ARHGEF12: variants seen among roughly 807,000 people sequenced by gnomAD.
ARHGEF12 encodes Rho guanine nucleotide exchange factor 12, also known as KMT2A/ARHGEF12 fusion protein.
In ARHGEF12, 66 loss-of-function variants were observed where a neutral mutation model predicts 211.2. The observed-to-expected ratio is 0.31, with a 90% confidence interval of 0.26 to 0.38. The LOEUF (loss-of-function observed/expected upper bound fraction) is 0.38. Among genes scored for constraint, ARHGEF12 ranks in the 10% least tolerant of loss-of-function variants. The pLI, the probability that ARHGEF12 is intolerant of heterozygous loss-of-function variation, is 1.00. For missense variants in ARHGEF12, 1,429 were observed against 1,869.5 expected, an observed-to-expected ratio of 0.76 and a Z score of 4.34; for synonymous variants, 592 against 638.4, an observed-to-expected ratio of 0.93 and a Z score of 1.09.
chr11:120,426,049 C>T (rs1945336536), intron 7 of ARHGEF12, among the ~76,000 whole-genome samples: 1 of 152,128 alleles, frequency 6.6e-6, no homozygotes, highest in Non-Finnish European at 1.5e-5. Flanking sequence ...ACTTTTTCAT[C>T]AGAGTACCAG....
chr11:120,341,944 G>A (rs1942549606), intron 1 of ARHGEF12, among the ~76,000 whole-genome samples: 1 of 152,134 alleles, frequency 6.6e-6, no homozygotes, highest in Non-Finnish European at 1.5e-5. Flanking sequence ...TCCTGTGGTA[G>A]TATAATTCTT....
At chr11:120,421,700 G>A in intron 5 of ARHGEF12, 103 bp from the exon 6 acceptor site, 1 of 1,076,804 alleles carries the variant, frequency 9.3e-7, no homozygotes. Context: ...CCTCCCAAAG[G>A]ACAGCCCATG....
intron 11 of ARHGEF12, among the ~76,000 whole-genome samples, chr11:120,432,322 T>G (rs577252278): frequency 7.7e-4 from 118 of 152,346 alleles, no homozygotes; most frequent in Non-Finnish European, 1.5e-3. Context: ...AGGAAAAACC[T>G]CAGTCCTGTT....
At chr11:120,375,177 A>G (rs976501596) in intron 1 of ARHGEF12, among the ~76,000 whole-genome samples, 10 of 152,180 alleles carry the variant, frequency 6.6e-5, no homozygotes, top group African/African-American at 2.4e-4. Context: ...GTTTTAGGCA[A>G]AGTGAGTCTT....
At chr11:120,466,928 C>T (rs1446479309) in intron 28 of ARHGEF12, among the ~76,000 whole-genome samples, 11 of 152,128 alleles carry the variant, frequency 7.2e-5, no homozygotes, top group East Asian at 1.9e-4. Flanking sequence ...CACAAGGAAG[C>T]GATACGTAGA....
intron 11 of ARHGEF12, 118 bp from the exon 12 acceptor site, chr11:120,437,190 T>C (rs900451361): frequency 8.1e-6 from 5 of 614,978 alleles, no homozygotes; most frequent in Non-Finnish European, 1.1e-5. Context: ...ACGAAAGATA[T>C]TTAGTAGTTG....
At chr11:120,343,148 A>G (rs1253454378) in intron 1 of ARHGEF12, among the ~76,000 whole-genome samples, 1 of 152,218 alleles carries the variant, frequency 6.6e-6, no homozygotes, top group Admixed American at 6.5e-5. Flanking sequence ...TAATGACAAG[A>G]CAGTGTAACA....
In ARHGEF12 at chr11:120,458,496, G is replaced by A. The variant is rs1946429190; in HGVS notation, c.2380+262G>A. ...GCATTATAGATCTTAAAGTTGAAAA[G>A]TCATTGCAACAACTAAGTTATTTTT... On this transcript the variant is annotated intron_variant, in intron 25 of 40. Coordinates refer to ENST00000397843, the MANE Select transcript of ARHGEF12 (RefSeq NM_015313.3). 3 of 346,168 alleles carry A rather than the reference G, an allele frequency of 8.7e-6. No homozygotes were observed. In the Admixed American group the frequency reaches 1.4e-4, roughly 16 times the overall value. The allele number at this position is 346,168 out of a possible 1,614,324, so 21.4% of individuals were successfully genotyped here. A position where few individuals can be genotyped will look rare whatever the true frequency, so the allele number is the denominator to read the frequency against.
At chr11:120,373,617 T>C (rs943726628) in intron 1 of ARHGEF12, among the ~76,000 whole-genome samples, 2 of 152,190 alleles carry the variant, frequency 1.3e-5, no homozygotes, top group Non-Finnish European at 2.9e-5. Context: ...TATATAATTG[T>C]ATAATGATTT....
In ARHGEF12 at chr11:120,437,303, A is replaced by T; in HGVS notation, c.925-5A>T. The T allele has an allele frequency of 6.2e-7, 1 of 1,602,254 alleles. No individual in the cohort carries two copies. Among genetic ancestry groups the T allele is most frequent in the Non-Finnish European group, 8.5e-7 (1 of 1,175,408 alleles). ...ATGAACTGAAGATCTTGTTTTTTTC[A>T]TTAGAGTCCCAAGAGTGGCCCAAAA... On this transcript the variant is annotated splice_region_variant and splice_polypyrimidine_tract_variant and intron_variant, in intron 11 of 40. Coordinates refer to ENST00000397843, the MANE Select transcript of ARHGEF12 (RefSeq NM_015313.3).
intron 1 of ARHGEF12, among the ~76,000 whole-genome samples, chr11:120,351,453 AT>A (rs1942964855): frequency 2.8e-4 from 1 of 3,636 alleles, no homozygotes; most frequent in Non-Finnish European, 4.5e-4. Context: ...ATATATATAT[AT>A]ATTTTTTTTT....
chr11:120,361,571 C>T (rs1943275622), intron 1 of ARHGEF12, among the ~76,000 whole-genome samples: 1 of 152,164 alleles, frequency 6.6e-6, no homozygotes, highest in African/African-American at 2.4e-5. Context: ...TCTTTGCTGC[C>T]ATCCAGTTTG....
chr11:120,448,641 C>T (rs139658765), intron 20 of ARHGEF12: 251 of 384,064 alleles, frequency 6.5e-4, no homozygotes, highest in African/African-American at 4.4e-3. Flanking sequence ...CTAAATACCC[C>T]CTGTGTTGCT....
At chr11:120,407,912 G>GT in intron 3 of ARHGEF12, 89 bp downstream of exon 3, 5 of 1,147,154 alleles carry the variant, frequency 4.4e-6, no homozygotes, top group Non-Finnish European at 6.4e-6. Flanking sequence ...CTCAGGAATA[G>GT]TTGTTTGATC....
intron 7 of ARHGEF12, among the ~76,000 whole-genome samples, chr11:120,424,892 A>G (rs1022300632): frequency 6.6e-6 from 1 of 152,212 alleles, no homozygotes; most frequent in Non-Finnish European, 1.5e-5. Flanking sequence ...ATCTAGCACA[A>G]TCACTTTCCC....
At chr11:120,430,981 G>T (rs1230413780) in intron 10 of ARHGEF12, among the ~76,000 whole-genome samples, 1 of 151,918 alleles carries the variant, frequency 6.6e-6, no homozygotes, top group Non-Finnish European at 1.5e-5. Flanking sequence ...TACCCTGTTT[G>T]GACAGCAATC....
intron 8 of ARHGEF12, among the ~76,000 whole-genome samples, chr11:120,429,115 C>T (rs1945447397): frequency 6.6e-6 from 1 of 152,114 alleles, no homozygotes. Context: ...TTGAGCTATG[C>T]ATGGGGATCG....
rs1011966413 is a variant in ARHGEF12 at position 120,447,597 on chromosome 11, T to G, written c.1590-277T>G. Among the ~76,000 whole-genome samples the G allele has an allele frequency of 3.9e-5, 6 of 152,092 alleles. No individual in the cohort carries two copies. In the East Asian group the frequency reaches 7.7e-4, roughly 20 times the overall value. ...ACTTTGGGAGGCCGAGCGGGCGGATTACGTAAGGCCAAGAGTTCGAGACCA... is the reference window on the plus strand; with the variant it reads ...ACTTTGGGAGGCCGAGCGGGCGGATGACGTAAGGCCAAGAGTTCGAGACCA... On this transcript the variant is annotated intron_variant, in intron 18 of 40. Transcript: ENST00000397843.
chr11:120,460,800 T>C, intron 27 of ARHGEF12, 43 bp downstream of exon 27: 1 of 1,511,092 alleles, frequency 6.6e-7, no homozygotes, highest in South Asian at 1.1e-5. Flanking sequence ...TTATGGACAC[T>C]TGATGGTTAG....
Sources: gnomAD v4.1 joint callset for allele counts (sites outside exome capture counted in the v4.1 genomes callset) on GRCh38, gnomAD v4.1.1 for gene constraint, MANE v1.5 for transcripts, NCBI Gene and HGNC (gene_info 2026-07-23, HGNC 2026-07-21) for gene names.